The following STK24 variants were observed in gnomAD, a reference collection of about 807,000 sequenced individuals.
STK24 encodes serine/threonine-protein kinase 24.
In STK24, 21 loss-of-function variants were observed where a neutral mutation model predicts 55.6. The ratio of observed to expected loss-of-function variants is 0.38; its 90% CI spans 0.27 to 0.54. The LOEUF is 0.54. STK24 is among the 20% of genes least tolerant of loss of function. The pLI is 0.79. For synonymous variants in STK24, 200 were observed against 215.2 expected (o/e 0.93, Z 0.62); for missense variants, 383 against 538.4 (o/e 0.71, Z 2.86).
chr13:98,461,994 C>A, intron 7 of STK24, 97 bp from the exon 8 acceptor site: 3 of 1,492,428 alleles, frequency 2.0e-6, no homozygotes, highest in Non-Finnish European at 2.7e-6. Context: ...ACCTCTAAAC[C>A]CACACCCACC....
intron 1 of STK24, among the ~76,000 whole-genome samples, chr13:98,566,560 G>T (rs751771451): frequency 6.6e-6 from 1 of 152,238 alleles, no homozygotes; most frequent in South Asian, 2.1e-4. Flanking sequence ...GAGACCCTGA[G>T]GGTTCACCAA....
intron 5 of STK24, among the ~76,000 whole-genome samples, chr13:98,469,535 C>CCG (rs760602515): frequency 1.2e-5 from 1 of 86,336 alleles, no homozygotes; most frequent in African/African-American, 4.9e-5. Context: ...GACCCTGCAT[C>CCG]CCCCCCCCCA....
rs571646093 is a variant in STK24 at position 98,570,458 on chromosome 13, A to G, written c.42+6287T>C. On this transcript the variant is annotated intron_variant, in intron 1 of 10. Transcript: ENST00000539966. ...AAAAAACAGGAAGAGACTTAAAATA[A>G]TAGGAAGATAAACCCCAGCTACGTA... Among the ~76,000 whole-genome samples, 4 of 152,376 alleles carry G rather than the reference A, an allele frequency of 2.6e-5. No individual in the cohort carries two copies. In the South Asian group the frequency reaches 8.3e-4, roughly 32 times the overall value.
At chr13:98,489,570 CAGACAGCCAGTGGCAGATGCCACAAA>C (rs1343310934) in intron 2 of STK24, among the ~76,000 whole-genome samples, 1 of 152,214 alleles carries the variant, frequency 6.6e-6, no homozygotes, top group South Asian at 2.1e-4. Context: ...TAATTAGCAT[CAGACAGCCAGTGGCAGATGCCACAAA>C]AGACAGGGAA....
At chr13:98,568,063 G>T (rs542105439) in intron 1 of STK24, among the ~76,000 whole-genome samples, 1 of 151,536 alleles carries the variant, frequency 6.6e-6, no homozygotes, top group Admixed American at 6.6e-5. Flanking sequence ...GCAATGGCGC[G>T]ATCTCGGCTC....
At chr13:98,472,265 T>G (rs1273047409) in intron 5 of STK24, among the ~76,000 whole-genome samples, 1 of 152,150 alleles carries the variant, frequency 6.6e-6, no homozygotes, top group Non-Finnish European at 1.5e-5. Context: ...ACCACACGCC[T>G]CCCGGGTCCA....
chr13:98,481,757 CA>C (rs1894589752), intron 3 of STK24, among the ~76,000 whole-genome samples: 1 of 151,936 alleles, frequency 6.6e-6, no homozygotes, highest in African/African-American at 2.4e-5. Flanking sequence ...GTTTCAAAAG[CA>C]GACAGACAGG....
chr13:98,573,781 A>G (rs1175719201), intron 1 of STK24, among the ~76,000 whole-genome samples: 1 of 152,240 alleles, frequency 6.6e-6, no homozygotes, highest in African/African-American at 2.4e-5. Context: ...GTAGTTTCCA[A>G]TCACAAATTT....
intron 1 of STK24, among the ~76,000 whole-genome samples, chr13:98,573,310 C>G (rs895669797): frequency 5.9e-5 from 9 of 152,218 alleles, no homozygotes; most frequent in African/African-American, 1.9e-4. Context: ...TCTGCAAACT[C>G]AAAGCCGATT....
At chr13:98,549,196 C>G (rs1421612920) in intron 1 of STK24, among the ~76,000 whole-genome samples, 1 of 152,220 alleles carries the variant, frequency 6.6e-6, no homozygotes, top group Non-Finnish European at 1.5e-5. Flanking sequence ...AGCCTAAATA[C>G]TTCTGTCTTA....
chr13:98,521,650 C>A (rs1195806875), intron 1 of STK24: 3 of 636,130 alleles, frequency 4.7e-6, no homozygotes, highest in Admixed American at 2.4e-5. Context: ...TCCTCTAACA[C>A]AAGCTGCTAG....
chr13:98,492,285 A>T (rs570046301), intron 2 of STK24, among the ~76,000 whole-genome samples: 3 of 152,294 alleles, frequency 2.0e-5, no homozygotes, highest in African/African-American at 7.2e-5. Context: ...CTATTAAGGA[A>T]GGATGAGAAC....
At chr13:98,554,018 C>T (rs1296024577) in intron 1 of STK24, among the ~76,000 whole-genome samples, 4 of 150,200 alleles carry the variant, frequency 2.7e-5, no homozygotes, top group Admixed American at 1.3e-4. Context: ...GCCGAGATCA[C>T]GCCACTGCAC....
chr13:98,508,835 C>G (rs113584028), intron 2 of STK24: 2 of 152,352 alleles, frequency 1.3e-5, no homozygotes, highest in Non-Finnish European at 2.9e-5. Flanking sequence ...AAACAATTCA[C>G]ACCTTCTCTG....
chr13:98,474,204 G>A lies in STK24; in HGVS notation c.597+617C>T, dbSNP rs79667692. Among the ~76,000 whole-genome samples, 1,131 of 152,212 alleles carry A rather than the reference G, an allele frequency of 7.4e-3. 13 individuals are homozygous for A. Among genetic ancestry groups the A allele is most frequent in the African/African-American group, 0.025 (1,056 of 41,520 alleles). Reference sequence around the variant, plus strand: ...AGAATATGAGAAAAATTAGGAGAGTGTCCCTAACACAGGACAAGTAAAAAA... The same window carrying A: ...AGAATATGAGAAAAATTAGGAGAGTATCCCTAACACAGGACAAGTAAAAAA... On this transcript the variant is annotated intron_variant, in intron 5 of 10. Coordinates refer to ENST00000539966, the MANE Select transcript of STK24 (RefSeq NM_001032296.4).
chr13:98,488,217 C>T (rs899129690), intron 2 of STK24, among the ~76,000 whole-genome samples: 1 of 146,486 alleles, frequency 6.8e-6, no homozygotes, highest in Non-Finnish European at 1.5e-5. Flanking sequence ...GGGAAGACCA[C>T]ATGAGCACAC....
At chr13:98,480,238 T>C (rs1172690064) in intron 3 of STK24, among the ~76,000 whole-genome samples, 1 of 152,186 alleles carries the variant, frequency 6.6e-6, no homozygotes, top group Admixed American at 6.5e-5. Flanking sequence ...TTCAAAGAAA[T>C]CTGAAGGTTA....
chr13:98,460,813 G>T (rs1371020943), intron 8 of STK24, among the ~76,000 whole-genome samples: 1 of 152,048 alleles, frequency 6.6e-6, no homozygotes, highest in Non-Finnish European at 1.5e-5. Context: ...GCCGAAGCAG[G>T]AGGATCACTT....
chr13:98,512,973 C>T (rs943739780), intron 2 of STK24, among the ~76,000 whole-genome samples: 1 of 152,300 alleles, frequency 6.6e-6, no homozygotes. Context: ...GTAATCAGTC[C>T]CTGCTGCGAA....
Sources: allele counts gnomAD v4.1 joint callset (sites outside exome capture counted in the v4.1 genomes callset), GRCh38; gene constraint gnomAD v4.1.1; transcripts MANE v1.5; gene names NCBI Gene and HGNC (gene_info 2026-07-23, HGNC 2026-07-21).